Variants in IMMP2L observed in about 807,000 individuals in gnomAD.
IMMP2L encodes the protein inner mitochondrial membrane peptidase subunit 2, also known as mitochondrial inner membrane protease subunit 2.
A neutral mutation model predicts 19.3 loss-of-function variants in IMMP2L; 18 were observed. That is an observed-to-expected ratio of 0.93 (90% CI 0.64 to 1.38). IMMP2L has a LOEUF of 1.38. IMMP2L is among the 40% of genes most tolerant of loss of function. The pLI, the probability that IMMP2L is intolerant of heterozygous loss-of-function variation, is 0.00. For missense variants in IMMP2L, 233 were observed against 218.2 expected (o/e 1.07, Z -0.43); for synonymous variants, 76 against 73.0 (o/e 1.04, Z -0.21).
intron 3 of IMMP2L, among the ~76,000 whole-genome samples, chr7:111,153,422 A>G (rs1804292103): frequency 6.6e-6 from 1 of 152,080 alleles, no homozygotes; most frequent in South Asian, 2.1e-4. Context: ...ACTTTCTGTT[A>G]GTTAATAGGG....
At chr7:111,167,590 G>A (rs1805966960) in intron 3 of IMMP2L, among the ~76,000 whole-genome samples, 1 of 151,876 alleles carries the variant, frequency 6.6e-6, no homozygotes, top group Non-Finnish European at 1.5e-5. Context: ...GATTGTTGCA[G>A]TTTCCCTTAC....
Position 111,482,304 on chromosome 7 carries a change from T to C in IMMP2L, c.239+4934A>G, listed in dbSNP as rs1279048788. ...TTACTATCTCCAGATATTGTGAGAA[T>C]TAAATAAAAACAGCATACTCAAAGC... On this transcript the variant is annotated intron_variant, in intron 3 of 5. Coordinates refer to ENST00000405709, the MANE Select transcript of IMMP2L (RefSeq NM_032549.4). Among the ~76,000 whole-genome samples the C allele has an allele frequency of 2.0e-5, 3 of 152,264 alleles. No homozygotes were observed. In the East Asian group the frequency reaches 5.8e-4, roughly 29 times the overall value.
intron 3 of IMMP2L, among the ~76,000 whole-genome samples, chr7:111,178,717 G>A (rs997079294): frequency 2.6e-5 from 4 of 151,962 alleles, no homozygotes; most frequent in Admixed American, 1.3e-4. Flanking sequence ...GCAACTCCTC[G>A]TCTGTTAAGT....
At chr7:111,442,069 G>A (rs939577239) in intron 3 of IMMP2L, among the ~76,000 whole-genome samples, 9 of 151,704 alleles carry the variant, frequency 5.9e-5, no homozygotes, top group East Asian at 1.9e-4. Context: ...CCCAGGAAGC[G>A]GAGATTGCAG....
At chr7:110,793,277 T>C (rs1800601117) in intron 5 of IMMP2L, among the ~76,000 whole-genome samples, 1 of 151,664 alleles carries the variant, frequency 6.6e-6, no homozygotes, top group Non-Finnish European at 1.5e-5. Flanking sequence ...CAAATTATCC[T>C]GGTGTGGTGG....
intron 3 of IMMP2L, among the ~76,000 whole-genome samples, chr7:111,183,596 G>A (rs1292622636): frequency 1.3e-5 from 2 of 152,016 alleles, no homozygotes; most frequent in Non-Finnish European, 2.9e-5. Context: ...GCTTAACTGG[G>A]ACAAGGAGAA....
rs1209226031 is a variant in IMMP2L at position 111,277,039 on chromosome 7, C to T, written c.239+210199G>A. Among the ~76,000 whole-genome samples, 7 of 152,096 alleles carry T rather than the reference C, an allele frequency of 4.6e-5. No homozygotes were observed. The South Asian group carries it at 6.2e-4, about 14-fold the overall frequency. On this transcript the variant is annotated intron_variant, in intron 3 of 5. Transcript: ENST00000405709. ...GAAGAAAACTTGGGAAAAACTCTTC[C>T]GGACATTGGCCTAGGCAAATACTTT...
chr7:111,440,958 T>C (rs569080253), intron 3 of IMMP2L, among the ~76,000 whole-genome samples: 13 of 152,022 alleles, frequency 8.6e-5, no homozygotes, highest in Non-Finnish European at 1.3e-4. Flanking sequence ...TTAAGCCTCA[T>C]GAACTCAGCT....
chr7:111,301,719 C>T (rs564197565), intron 3 of IMMP2L, among the ~76,000 whole-genome samples: 9 of 151,918 alleles, frequency 5.9e-5, no homozygotes, highest in Admixed American at 2.0e-4. Flanking sequence ...TCTAACCTTC[C>T]TCCATTGAAC....
intron 3 of IMMP2L, among the ~76,000 whole-genome samples, chr7:111,219,117 C>A (rs1400197799): frequency 1.3e-5 from 2 of 151,968 alleles, no homozygotes; most frequent in African/African-American, 2.4e-5. Context: ...GTATGTTATA[C>A]TATTTGGGTT....
chr7:111,019,583 T>A (rs182278809), intron 3 of IMMP2L, among the ~76,000 whole-genome samples: 1 of 152,300 alleles, frequency 6.6e-6, no homozygotes, highest in Admixed American at 6.5e-5. Flanking sequence ...TTTAGCCTCC[T>A]CTTACACAAG....
chr7:111,093,190 G>C (rs531699913), intron 3 of IMMP2L, among the ~76,000 whole-genome samples: 59 of 152,254 alleles, frequency 3.9e-4, no homozygotes, highest in African/African-American at 1.4e-3. Flanking sequence ...TTAAGAAGAG[G>C]GTTCCTGCTC....
intron 5 of IMMP2L, among the ~76,000 whole-genome samples, chr7:110,826,729 C>T (rs1178396463): frequency 6.6e-6 from 1 of 151,940 alleles, no homozygotes; most frequent in African/African-American, 2.4e-5. Context: ...GGAGATATAC[C>T]TAATGTAAAT....
At chr7:111,047,186 GTT>G (rs68112726) in intron 3 of IMMP2L, among the ~76,000 whole-genome samples, 4 of 149,978 alleles carry the variant, frequency 2.7e-5, no homozygotes, top group East Asian at 1.9e-4. Context: ...TTTTTTTTTT[GTT>G]TTTTTTTTGT....
At chr7:111,491,511 G>A (rs896534954) in intron 2 of IMMP2L, among the ~76,000 whole-genome samples, 4 of 151,934 alleles carry the variant, frequency 2.6e-5, no homozygotes, top group African/African-American at 7.3e-5. Flanking sequence ...ATTTTAAGCA[G>A]GTCTGTACTC....
At chr7:110,833,868 T>C (rs1008108752) in intron 5 of IMMP2L, among the ~76,000 whole-genome samples, 4 of 152,188 alleles carry the variant, frequency 2.6e-5, no homozygotes, top group African/African-American at 9.7e-5. Flanking sequence ...AGCTGTACCA[T>C]TCTCTTTGGT....
intron 3 of IMMP2L, among the ~76,000 whole-genome samples, chr7:111,145,384 T>C (rs1167561993): frequency 2.6e-5 from 4 of 152,068 alleles, no homozygotes; most frequent in African/African-American, 9.7e-5. Context: ...GTATGTCTAT[T>C]ACCTATTTAA....
intron 2 of IMMP2L, among the ~76,000 whole-genome samples, chr7:111,507,346 G>A (rs559321212): frequency 5.1e-4 from 77 of 152,086 alleles, no homozygotes; most frequent in African/African-American, 1.8e-3. Flanking sequence ...AAAGCTATAC[G>A]AAGCCAGCTG....
At chr7:111,194,339 C>T (rs1220339335) in intron 3 of IMMP2L, among the ~76,000 whole-genome samples, 1 of 152,174 alleles carries the variant, frequency 6.6e-6, no homozygotes, top group African/African-American at 2.4e-5. Flanking sequence ...ATTCAATCTA[C>T]CTATGACAGT....
Sources: allele counts gnomAD v4.1 joint callset (sites outside exome capture counted in the v4.1 genomes callset), GRCh38; gene constraint gnomAD v4.1.1; transcripts MANE v1.5; gene names NCBI Gene and HGNC (gene_info 2026-07-23, HGNC 2026-07-21).